Variants in DGKG observed in about 807,000 individuals in gnomAD.
DGKG encodes DAG kinase gamma.
In DGKG, 78 loss-of-function variants were observed where a neutral mutation model predicts 105.3. The ratio of observed to expected loss-of-function variants is 0.74; its 90% CI spans 0.62 to 0.89. DGKG has a LOEUF of 0.89. DGKG is among the 40% of genes least tolerant of loss of function. The probability of loss-of-function intolerance (pLI) is 0.00; values close to 1 mark genes in which losing one functional copy is unlikely to be tolerated. For synonymous variants in DGKG, 346 were observed against 367.1 expected, an observed-to-expected ratio of 0.94 and a Z score of 0.66; for missense variants, 958 against 1,020.1, an observed-to-expected ratio of 0.94 and a Z score of 0.83.
chr3:186,323,809 T>C (rs7653226), intron 1 of DGKG, among the ~76,000 whole-genome samples: 57,188 of 151,520 alleles, frequency 0.38, 12,179 homozygotes, highest in African/African-American at 0.57. Flanking sequence ...TGGTGGTGGG[T>C]GCCTGTAGTT....
At chr3:186,239,581 G>C (rs183844868) in intron 20 of DGKG, among the ~76,000 whole-genome samples, 1 of 152,336 alleles carries the variant, frequency 6.6e-6, no homozygotes, top group Admixed American at 6.5e-5. Context: ...GGGTATTTTA[G>C]ACATGGGCGA....
intron 21 of DGKG, among the ~76,000 whole-genome samples, chr3:186,204,624 A>G (rs781182708): frequency 3.9e-5 from 6 of 152,108 alleles, no homozygotes; most frequent in Non-Finnish European, 8.8e-5. Flanking sequence ...AATTTTTTAA[A>G]ATTTAACCAT....
intron 20 of DGKG, among the ~76,000 whole-genome samples, chr3:186,233,058 A>G (rs1253475179): frequency 6.6e-6 from 1 of 152,230 alleles, no homozygotes; most frequent in Non-Finnish European, 1.5e-5. Flanking sequence ...GAAGATGTCC[A>G]CGTTCTGATC....
Position 186,267,751 on chromosome 3 carries a change from C to A in DGKG, c.1143G>T (p.Thr381=), listed in dbSNP as rs771566067. 1.2e-6 allele frequency: 2 copies of A among 1,613,776 alleles called. No homozygotes were observed. Among genetic ancestry groups the A allele is most frequent in the African/African-American group, 1.3e-5 (1 of 74,852 alleles). ...MTFHRKCELS[T]LCDGGELRDH... ...CTCTGAGTTCCCCACCGTCACACAA[C>A]GTTGATAATTCACATTTGCGGTGAA... The change falls in exon 13 of 25, where the codon ACG becomes ACT. Residue 381 remains threonine (T), a synonymous_variant. Transcript: ENST00000265022.
intron 1 of DGKG, among the ~76,000 whole-genome samples, chr3:186,328,870 C>T (rs1461139278): frequency 6.6e-6 from 1 of 152,164 alleles, no homozygotes; most frequent in Admixed American, 6.6e-5. Flanking sequence ...TGAGCCACTG[C>T]GCCCGGCCTT....
chr3:186,168,700 A>G (rs1716674102), intron 22 of DGKG, among the ~76,000 whole-genome samples: 1 of 152,152 alleles, frequency 6.6e-6, no homozygotes, highest in South Asian at 2.1e-4. Flanking sequence ...TACAAAAAAC[A>G]TTAGCCAGGT....
chr3:186,188,728 A>G (rs59856878), intron 21 of DGKG, among the ~76,000 whole-genome samples: 2,391 of 152,238 alleles, frequency 0.016, 68 homozygotes, highest in African/African-American at 0.055. Context: ...GCCCCTTCCT[A>G]ACCATTAGAA....
intron 5 of DGKG, among the ~76,000 whole-genome samples, chr3:186,295,438 G>T (rs932175372): frequency 6.6e-6 from 1 of 151,708 alleles, no homozygotes; most frequent in East Asian, 1.9e-4. Flanking sequence ...GGAGGCGGAG[G>T]TCTCAGGGAG....
intron 19 of DGKG, among the ~76,000 whole-genome samples, chr3:186,244,284 C>T (rs1018425766): frequency 1.3e-5 from 2 of 151,998 alleles, no homozygotes; most frequent in East Asian, 3.9e-4. Flanking sequence ...GCATAGGAGT[C>T]CAGCAGCCCA....
intron 1 of DGKG, among the ~76,000 whole-genome samples, chr3:186,344,053 T>G (rs1726211241): frequency 6.6e-6 from 1 of 152,206 alleles, no homozygotes; most frequent in Non-Finnish European, 1.5e-5. Flanking sequence ...CCAGTCAGAA[T>G]GGTTATTATT....
rs902422130 is a variant in DGKG, at chr3:186,320,639, A to G, written c.-180T>C. ...GGCACCTCTCAGAAGATGAGACAAGATCTCTGCTATTCCTTAGGCAACATC... is the reference window on the plus strand; with the variant it reads ...GGCACCTCTCAGAAGATGAGACAAGGTCTCTGCTATTCCTTAGGCAACATC... On this transcript the variant is annotated 5_prime_UTR_variant, in exon 2 of 25. Transcript: ENST00000265022. 2.1e-6 allele frequency: 2 copies of G among 972,386 alleles called. No individual in the cohort carries two copies. The highest frequency in any genetic ancestry group is 2.9e-6 in the Non-Finnish European group (2 of 686,474). The allele number at this position is 972,386 out of a possible 1,614,324, so 60.2% of individuals were successfully genotyped here.
intron 21 of DGKG, among the ~76,000 whole-genome samples, chr3:186,207,063 T>C (rs1718781094): frequency 6.6e-6 from 1 of 152,180 alleles, no homozygotes. Flanking sequence ...TGCTGGCTTC[T>C]TAATTAGGGC....
At chr3:186,313,439 T>C in intron 2 of DGKG, 1 of 929,006 alleles carries the variant, frequency 1.1e-6, no homozygotes, top group Non-Finnish European at 1.3e-6. Flanking sequence ...CTTATTTGTG[T>C]AAGTAAAATT....
rs1462841281 is a variant in DGKG, at chr3:186,320,667, C to T, written c.-208G>A. The T allele has an allele frequency of 2.8e-5, 18 of 634,680 alleles. No homozygotes were observed. The East Asian group carries it at 5.3e-4, about 19-fold the overall frequency. 39.3% of individuals were successfully genotyped at this position (634,680 alleles called of 1,614,324 possible). ...TCTGCTATTCCTTAGGCAACATCCT[C>T]CTGTCTGTATTCAAGGTAAATTCAG... On this transcript the variant is annotated 5_prime_UTR_variant, in exon 2 of 25. Coordinates refer to ENST00000265022, the MANE Select transcript of DGKG (RefSeq NM_001346.3).
chr3:186,267,046 C>T (rs116360948), intron 13 of DGKG, among the ~76,000 whole-genome samples: 264 of 152,224 alleles, frequency 1.7e-3, no homozygotes, highest in African/African-American at 5.6e-3. Context: ...TCAACACAGG[C>T]GACAACGTGC....
chr3:186,147,526 G>T lies in DGKG; in HGVS notation c.*2564C>A, dbSNP rs1446048605. The T allele has an allele frequency of 6.1e-6, 6 of 985,192 alleles. No individual in the cohort carries two copies. Among genetic ancestry groups the T allele is most frequent in the Non-Finnish European group, 7.2e-6 (6 of 829,864 alleles). The allele number at this position is 985,192 out of a possible 1,614,324, so 61.0% of individuals were successfully genotyped here. ...TAAACAACAACACAAGATTTACTAA[G>T]GTTACCAAACTGGAAGTGCAATTCC... is the stretch of plus-strand genomic sequence containing the variant. On this transcript the variant is annotated 3_prime_UTR_variant, in exon 25 of 25. Transcript: ENST00000265022.
intron 22 of DGKG, among the ~76,000 whole-genome samples, chr3:186,172,971 C>T (rs1716893975): frequency 6.6e-6 from 1 of 152,240 alleles, no homozygotes; most frequent in South Asian, 2.1e-4. Flanking sequence ...GGTCAAAGTG[C>T]CAGCAGGGTG....
intron 4 of DGKG, 100 bp downstream of exon 4, chr3:186,297,964 G>T: frequency 7.2e-7 from 1 of 1,387,120 alleles, no homozygotes; most frequent in Non-Finnish European, 9.8e-7. Flanking sequence ...CGTTGGGGCA[G>T]TTACTATGTT....
intron 2 of DGKG, among the ~76,000 whole-genome samples, chr3:186,311,742 A>G (rs190594675): frequency 6.6e-6 from 1 of 152,320 alleles, no homozygotes; most frequent in East Asian, 1.9e-4. Context: ...CAGACAAATC[A>G]GAGACTTCAG....
Sources: allele counts gnomAD v4.1 joint callset (sites outside exome capture counted in the v4.1 genomes callset), GRCh38; gene constraint gnomAD v4.1.1; transcripts MANE v1.5; gene names NCBI Gene and HGNC (gene_info 2026-07-23, HGNC 2026-07-21).